MRGPRX4: variants seen among roughly 807,000 people sequenced by gnomAD.
MRGPRX4 encodes the protein mas-related G protein-coupled receptor member X4.
A neutral mutation model predicts 17.8 loss-of-function variants in MRGPRX4; 13 were observed. The observed-to-expected ratio is 0.73, with a 90% CI of 0.48 to 1.16. The LOEUF (loss-of-function observed/expected upper bound fraction) is 1.16, where lower values mean the gene tolerates loss of function less well. Among genes scored for constraint, MRGPRX4 ranks in the 50% most tolerant of loss-of-function variants. The pLI, the probability that MRGPRX4 is intolerant of heterozygous loss-of-function variation, is 0.00. For missense variants in MRGPRX4, 399 were observed against 405.0 expected (o/e 0.99, Z 0.13); for synonymous variants, 192 against 175.3 (o/e 1.10, Z -0.75).
chr11:18,173,896 C>T lies in MRGPRX4; in HGVS notation c.640C>T (p.Leu214=), dbSNP rs780045690. The change falls in exon 1 of 1, where the codon CTG becomes TTG. Residue 214 remains leucine (L), a synonymous_variant. Coordinates refer to ENST00000314254, the MANE Select transcript of MRGPRX4 (RefSeq NM_054032.3). ...CGSRKMPLTR[L]YVTILLTVLV... ...ATCCCGGAAGATGCCGCTGACCAGG[C>T]TGTACGTGACCATCCTGCTCACAGT... The T allele has an allele frequency of 3.7e-6, 6 of 1,614,032 alleles. No individual in the cohort carries two copies. The highest frequency in any genetic ancestry group is 1.7e-5 in the Admixed American group (1 of 60,006).
At position 18,173,949 on chromosome 11, in the gene MRGPRX4, C is replaced by G; in HGVS notation, c.693C>G (p.Pro231=). The change falls in exon 1 of 1, where the codon CCC becomes CCG. Residue 231 remains proline, a synonymous_variant. Coordinates refer to ENST00000314254, the MANE Select transcript of MRGPRX4 (RefSeq NM_054032.3). ...TVLVFLLCGL[P]FGILGALIYR... is the part of the protein sequence containing the mutation. ...TGGTCTTCCTCCTCTGCGGCCTGCC[C>G]TTCGGCATTCTGGGGGCCCTAATTT... is the stretch of plus-strand genomic sequence containing the variant. 1 of 1,614,218 alleles carries G rather than the reference C, an allele frequency of 6.2e-7. No homozygotes were observed. The highest frequency in any genetic ancestry group is 8.5e-7 in the Non-Finnish European group (1 of 1,180,050).
At position 18,173,349 on chromosome 11, in the gene MRGPRX4, G is replaced by C; in HGVS notation, c.93G>C (p.Thr31=). ...TPCYNQTLSF[T]VLTCIISLVG... ...GCTACAATCAGACCCTGAGCTTCAC[G>C]GTGCTGACGTGCATCATTTCCCTTG... Residue 31 remains threonine (T), a synonymous_variant, in exon 1 of 1, where the codon ACG becomes ACC. Coordinates refer to ENST00000314254, the MANE Select transcript of MRGPRX4 (RefSeq NM_054032.3). 6.2e-7 allele frequency: 1 copy of C among 1,614,084 alleles called. No homozygotes were observed. Among genetic ancestry groups the C allele is most frequent in the Non-Finnish European group, 8.5e-7 (1 of 1,180,022 alleles).
rs374452343 is a variant in MRGPRX4 at position 18,174,081 on chromosome 11, G to A, written c.825G>A (p.Val275=). The A allele has an allele frequency of 8.7e-6, 14 of 1,614,126 alleles. No homozygotes were observed. The highest frequency in any genetic ancestry group is 1.2e-5 in the Non-Finnish European group (14 of 1,180,026). The change falls in exon 1 of 1, where the codon GTG becomes GTA. Residue 275 remains valine, a synonymous_variant. Transcript: ENST00000314254. ...CCAACCCCATCATTTACTTCTTCGT[G>A]GGCTCCTTTAGGCAGCGTCAAAATA... ...SSANPIIYFF[V]GSFRQRQNRQ... is the part of the protein sequence containing the mutation.
In MRGPRX4 at chr11:18,174,191, G is replaced by C. The variant is rs139194129; in HGVS notation, c.935G>C (p.Ser312Thr). ...GGTGAAGGGCAGCTTCCTGAGGAAAGCCTGGAGCTGTCGGGAAGCAGATTG... is the reference window on the plus strand; with the variant it reads ...GGTGAAGGGCAGCTTCCTGAGGAAACCCTGGAGCTGTCGGGAAGCAGATTG... ...DKGEGQLPEE[S>T]LELSGSRLGP The change falls in exon 1 of 1, where the codon AGC (serine) becomes ACC (threonine). Residue 312 changes from serine to threonine, a missense_variant. Physicochemically the swap from Ser to Thr is moderately conservative, Grantham distance 58. Transcript: ENST00000314254. The C allele has an allele frequency of 1.2e-6, 2 of 1,613,784 alleles. No individual in the cohort carries two copies. Among genetic ancestry groups the C allele is most frequent in the South Asian group, 1.1e-5 (1 of 91,060 alleles).
chr11:18,174,137 C>G lies in MRGPRX4; in HGVS notation c.881C>G (p.Ala294Gly). ...RQNLKLVLQR[A>G]LQDKPEVDKG... Reference sequence around the variant, plus strand: ...AACCTGAAGCTGGTTCTCCAGAGGGCTCTGCAGGACAAGCCTGAGGTGGAT... The same window carrying G: ...AACCTGAAGCTGGTTCTCCAGAGGGGTCTGCAGGACAAGCCTGAGGTGGAT... Residue 294 changes from alanine to glycine, a missense_variant, in exon 1 of 1, where the codon GCT (alanine) becomes GGT (glycine). Physicochemically the swap from Ala to Gly is moderately conservative, Grantham distance 60. Transcript: ENST00000314254. 1 of 1,614,204 alleles carries G rather than the reference C, an allele frequency of 6.2e-7. No individual in the cohort carries two copies. Among genetic ancestry groups the G allele is most frequent in the Non-Finnish European group, 8.5e-7 (1 of 1,180,048 alleles).
chr11:18,173,605 A>G lies in MRGPRX4; in HGVS notation c.349A>G (p.Ser117Gly), dbSNP rs1849342318. 6.2e-7 allele frequency: 1 copy of G among 1,614,122 alleles called. No homozygotes were observed. The highest frequency in any genetic ancestry group is 8.5e-7 in the Non-Finnish European group (1 of 1,180,030). Residue 117 changes from serine to glycine, a missense_variant, in exon 1 of 1, where the codon AGC becomes GGC. Transcript: ENST00000314254. The part of the protein sequence containing the change: ...FTGLSMLSAI[S>G]TERCLSVLWP... ...AGGCCTGAGTATGCTGAGCGCCATC[A>G]GCACCGAGCGCTGCCTGTCTGTTCT...
In MRGPRX4 at chr11:18,174,199, C is replaced by A; in HGVS notation, c.943C>A (p.Leu315Met). The A allele has an allele frequency of 1.2e-6, 2 of 1,613,706 alleles. No homozygotes were observed. The highest frequency in any genetic ancestry group is 1.7e-6 in the Non-Finnish European group (2 of 1,179,716). The change falls in exon 1 of 1, where the codon CTG becomes ATG. Residue 315 changes from leucine to methionine, a missense_variant. By Grantham distance (15) the Leu-to-Met change is conservative. Transcript: ENST00000314254. ...GCAGCTTCCTGAGGAAAGCCTGGAG[C>A]TGTCGGGAAGCAGATTGGGGCCATG... ...EGQLPEESLE[L>M]SGSRLGP
Position 18,173,563 on chromosome 11 carries a change from A to C in MRGPRX4, c.307A>C (p.Thr103Pro), listed in dbSNP as rs759443027. The change falls in exon 1 of 1, where the codon ACC becomes CCC. Residue 103 changes from threonine to proline, a missense_variant. Physicochemically the swap from Thr to Pro is conservative, Grantham distance 38 (BLOSUM62 -1). Coordinates refer to ENST00000314254, the MANE Select transcript of MRGPRX4 (RefSeq NM_054032.3). ...LIRKILVSVM[T>P]FPYFTGLSML... ...CCGCAAAATCCTCGTTTCTGTGATG[A>C]CCTTTCCCTACTTTACAGGCCTGAG... is the stretch of plus-strand genomic sequence containing the variant. 6.2e-7 allele frequency: 1 copy of C among 1,613,716 alleles called. No individual in the cohort carries two copies. The highest frequency in any genetic ancestry group is 1.1e-5 in the South Asian group (1 of 91,052).
chr11:18,174,216 G>T lies in MRGPRX4; in HGVS notation c.960G>T (p.Leu320Phe). The T allele has an allele frequency of 6.2e-7, 1 of 1,611,628 alleles. No individual in the cohort carries two copies. Among genetic ancestry groups the T allele is most frequent in the Non-Finnish European group, 8.5e-7 (1 of 1,178,296 alleles). The change falls in exon 1 of 1, where the codon TTG (leucine) becomes TTT (phenylalanine). Residue 320 changes from leucine (L) to phenylalanine (F), a missense_variant. Physicochemically the swap from Leu to Phe is conservative, Grantham distance 22. Coordinates refer to ENST00000314254, the MANE Select transcript of MRGPRX4 (RefSeq NM_054032.3). ...GCCTGGAGCTGTCGGGAAGCAGATT[G>T]GGGCCATGAGGGAGAGCCTCTGCCC... ...EESLELSGSR[L>F]GP
rs750419471 is a variant in MRGPRX4 at position 18,173,433 on chromosome 11, C to T, written c.177C>T (p.Asn59=). Reference sequence around the variant, plus strand: ...TCCTGGGCTACCGCATGCGCAGGAACGCTGTCTCCATCTACATCCTCAACC... The same window carrying T: ...TCCTGGGCTACCGCATGCGCAGGAATGCTGTCTCCATCTACATCCTCAACC... ...LWLLGYRMRR[N]AVSIYILNLA... is the part of the protein sequence containing the mutation. The change falls in exon 1 of 1, where the codon AAC becomes AAT. Residue 59 remains asparagine (N), a synonymous_variant. Coordinates refer to ENST00000314254, the MANE Select transcript of MRGPRX4 (RefSeq NM_054032.3). The T allele has an allele frequency of 4.3e-6, 7 of 1,614,088 alleles. No homozygotes were observed. In the East Asian group the frequency reaches 6.7e-5, roughly 15 times the overall value.
In MRGPRX4 at chr11:18,173,636, C is replaced by T. The variant is rs1475380227; in HGVS notation, c.380C>T (p.Pro127Leu). The change falls in exon 1 of 1, where the codon CCC (proline) becomes CTC (leucine). Residue 127 changes from proline to leucine, a missense_variant. Transcript: ENST00000314254. ...STERCLSVLW[P>L]IWYRCRRPTH... is the part of the protein sequence containing the mutation. Reference sequence around the variant, plus strand: ...GAGCGCTGCCTGTCTGTTCTGTGGCCCATCTGGTACCGCTGCCGCCGCCCC... The same window carrying T: ...GAGCGCTGCCTGTCTGTTCTGTGGCTCATCTGGTACCGCTGCCGCCGCCCC... 2 of 1,614,134 alleles carry T rather than the reference C, an allele frequency of 1.2e-6. No individual in the cohort carries two copies. The highest frequency in any genetic ancestry group is 4.5e-5 in the East Asian group (2 of 44,882).
Position 18,173,312 on chromosome 11 carries a change from A to G in MRGPRX4, c.56A>G (p.Glu19Gly), listed in dbSNP as rs2134101116. The G allele has an allele frequency of 6.2e-7, 1 of 1,613,936 alleles. No homozygotes were observed. The highest frequency in any genetic ancestry group is 2.2e-5 in the East Asian group (1 of 44,882). The change falls in exon 1 of 1, where the codon GAG becomes GGG. Residue 19 changes from glutamate (E) to glycine (G), a missense_variant. Transcript: ENST00000314254. ...AAACTGACACCAATCAACGGACGTG[A>G]GGAGACTCCTTGCTACAATCAGACC... ...GTKLTPINGREETPCYNQTLS... is the reference protein window; with the variant it reads ...GTKLTPINGRGETPCYNQTLS...
Position 18,173,393 on chromosome 11 carries a change from C to G in MRGPRX4, c.137C>G (p.Ala46Gly), listed in dbSNP as rs200676270. 10 of 1,614,190 alleles carry G rather than the reference C, an allele frequency of 6.2e-6. No homozygotes were observed. In the Admixed American group the frequency reaches 1.7e-4, roughly 27 times the overall value. Residue 46 changes from alanine to glycine, a missense_variant, in exon 1 of 1, where the codon GCG (alanine) becomes GGG (glycine). Transcript: ENST00000314254. The part of the protein sequence containing the change: ...IISLVGLTGN[A>G]VVLWLLGYRM... The stretch of plus-strand genomic sequence containing the variant: ...TCCCTTGTCGGACTGACAGGAAACG[C>G]GGTTGTGCTCTGGCTCCTGGGCTAC...
At position 18,173,868 on chromosome 11, in the gene MRGPRX4, T is replaced by C; in HGVS notation, c.612T>C (p.Cys204=). 6.2e-7 allele frequency: 1 copy of C among 1,614,198 alleles called. No individual in the cohort carries two copies. The highest frequency in any genetic ancestry group is 8.5e-7 in the Non-Finnish European group (1 of 1,180,014). Residue 204 remains cysteine (C), a synonymous_variant, in exon 1 of 1, where the codon TGT becomes TGC. Transcript: ENST00000314254. ...TGGTCCTGCTGGTCAGGATCCTCTG[T>C]GGATCCCGGAAGATGCCGCTGACCA... ...SSLVLLVRIL[C]GSRKMPLTRL... is the part of the protein sequence containing the mutation.
rs201987699 is a variant in MRGPRX4 at position 18,173,425 on chromosome 11, C to T, written c.169C>T (p.Arg57Cys). 34 of 1,614,154 alleles carry T rather than the reference C, an allele frequency of 2.1e-5. No individual in the cohort carries two copies. Among genetic ancestry groups the T allele is most frequent in the Admixed American group, 3.3e-5 (2 of 60,026 alleles). Residue 57 changes from arginine (R) to cysteine (C), a missense_variant, in exon 1 of 1, where the codon CGC becomes TGC. Arg to Cys is a radical substitution (Grantham distance 180). Coordinates refer to ENST00000314254, the MANE Select transcript of MRGPRX4 (RefSeq NM_054032.3). ...VVLWLLGYRM[R>C]RNAVSIYILN... ...GCTCTGGCTCCTGGGCTACCGCATG[C>T]GCAGGAACGCTGTCTCCATCTACAT...
At position 18,173,648 on chromosome 11, in the gene MRGPRX4, G is replaced by A. The variant is rs758871574; in HGVS notation, c.392G>A (p.Arg131His). 7.4e-6 allele frequency: 12 copies of A among 1,614,140 alleles called. No individual in the cohort carries two copies. The highest frequency in any genetic ancestry group is 4.5e-5 in the East Asian group (2 of 44,884). The change falls in exon 1 of 1, where the codon CGC becomes CAC. Residue 131 changes from arginine (R) to histidine (H), a missense_variant. Arg to His is a conservative substitution (Grantham distance 29). Transcript: ENST00000314254. The part of the protein sequence containing the change: ...CLSVLWPIWY[R>H]CRRPTHLSAV... ...TCTGTTCTGTGGCCCATCTGGTACCGCTGCCGCCGCCCCACACACCTGTCA... is the reference window on the plus strand; with the variant it reads ...TCTGTTCTGTGGCCCATCTGGTACCACTGCCGCCGCCCCACACACCTGTCA...
rs1302979056 is a variant in MRGPRX4 at position 18,173,725 on chromosome 11, G to A, written c.469G>A (p.Glu157Lys). 4.3e-5 allele frequency: 69 copies of A among 1,614,034 alleles called. No homozygotes were observed. Among genetic ancestry groups the A allele is most frequent in the Non-Finnish European group, 5.8e-5 (68 of 1,180,038 alleles). Residue 157 changes from glutamate (E) to lysine (K), a missense_variant, in exon 1 of 1, where the codon GAG becomes AAG. Transcript: ENST00000314254. ...CCTGTCCCTGCTGTTTAGTATGCTG[G>A]AGTGGAGGTTCTGTGACTTCCTGTT... Reference protein sequence around the residue: ...WGLSLLFSMLEWRFCDFLFSG... With the variant: ...WGLSLLFSMLKWRFCDFLFSG...
At position 18,173,943 on chromosome 11, in the gene MRGPRX4, C is replaced by G; in HGVS notation, c.687C>G (p.Gly229=). ...LLTVLVFLLC[G]LPFGILGALI... The stretch of plus-strand genomic sequence containing the variant: ...CAGTGCTGGTCTTCCTCCTCTGCGG[C>G]CTGCCCTTCGGCATTCTGGGGGCCC... The change falls in exon 1 of 1, where the codon GGC becomes GGG. Residue 229 remains glycine (G), a synonymous_variant. Coordinates refer to ENST00000314254, the MANE Select transcript of MRGPRX4 (RefSeq NM_054032.3). 1 of 1,614,234 alleles carries G rather than the reference C, an allele frequency of 6.2e-7. No individual in the cohort carries two copies. Among genetic ancestry groups the G allele is most frequent in the Non-Finnish European group, 8.5e-7 (1 of 1,180,046 alleles).
chr11:18,173,940 C>A, the MRGPRX4 span: 6 of 1,614,186 alleles, frequency 3.7e-6, no homozygotes, highest in Non-Finnish European at 4.2e-6. Context: ...TCCTCCTCTG[C>A]GGCCTGCCCT....
Sources: allele counts gnomAD v4.1 joint callset, GRCh38; gene constraint gnomAD v4.1.1; transcripts MANE v1.5; gene names NCBI Gene and HGNC (gene_info 2026-07-23, HGNC 2026-07-21).